Variants in RAP1GAP observed in about 807,000 individuals in gnomAD.
RAP1GAP encodes rap1 GTPase-activating protein 1.
RAP1GAP carries 35 observed loss-of-function variants against 87.2 expected under a neutral mutation model. That is an observed-to-expected ratio of 0.40 (90% CI 0.31 to 0.53). The LOEUF is 0.53. RAP1GAP is among the 20% of genes least tolerant of loss of function. RAP1GAP has a pLI of 0.48. For synonymous variants in RAP1GAP, 375 were observed against 363.9 expected (o/e 1.03, Z -0.35); for missense variants, 734 against 898.9 (o/e 0.82, Z 2.35).
intron 2 of RAP1GAP, among the ~76,000 whole-genome samples, chr1:21,644,229 C>G (rs1043358073): frequency 6.6e-6 from 1 of 152,214 alleles, no homozygotes; most frequent in African/African-American, 2.4e-5. Context: ...GCTGCTCCCT[C>G]TGTCTGGACA....
At chr1:21,641,576 A>C (rs1318957235) in intron 2 of RAP1GAP, among the ~76,000 whole-genome samples, 1 of 152,218 alleles carries the variant, frequency 6.6e-6, no homozygotes, top group African/African-American at 2.4e-5. Context: ...TGTCAGGTTC[A>C]CTGCTGCATC....
intron 2 of RAP1GAP, among the ~76,000 whole-genome samples, chr1:21,630,173 A>G (rs1355041133): frequency 6.6e-6 from 1 of 151,554 alleles, no homozygotes; most frequent in Non-Finnish European, 1.5e-5. Context: ...TGAAGATTTG[A>G]CCTCCCCCAA....
Position 21,669,268 on chromosome 1 carries a change from C to CG in RAP1GAP, c.-164dup. 1 of 1,228,384 alleles carries CG rather than the reference C, an allele frequency of 8.1e-7. No individual in the cohort carries two copies. Among genetic ancestry groups the CG allele is most frequent in the Admixed American group, 2.9e-5 (1 of 34,126 alleles). 76.1% of individuals were successfully genotyped at this position (1,228,384 alleles called of 1,614,324 possible). ...GGCGCACTCACCCAAGGGCCTGGGC[C>CG]GGGGGCGTCCTGGGCTCGGCACTCT... On this transcript the variant is annotated 5_prime_UTR_variant, in exon 1 of 25. Coordinates refer to ENST00000374765, the MANE Select transcript of RAP1GAP (RefSeq NM_002885.4). The surrounding 1 kb of genome is among the most constrained non-coding windows in gnomAD (Gnocchi z 5.6).
At chr1:21,635,055 T>C (rs1237123561) in intron 2 of RAP1GAP, among the ~76,000 whole-genome samples, 2 of 152,214 alleles carry the variant, frequency 1.3e-5, no homozygotes, top group East Asian at 3.8e-4. Context: ...ATCTCCATTC[T>C]GCCTGGAAGA....
intron 21 of RAP1GAP, among the ~76,000 whole-genome samples, chr1:21,599,139 T>A (rs577523714): frequency 1.3e-5 from 2 of 152,234 alleles, no homozygotes; most frequent in South Asian, 4.2e-4. Flanking sequence ...AGGAAGAGTG[T>A]TCCAGACAGA....
At chr1:21,620,850 A>ACT (rs774725163) in intron 3 of RAP1GAP, among the ~76,000 whole-genome samples, 1 of 111,066 alleles carries the variant, frequency 9.0e-6, no homozygotes, top group Non-Finnish European at 2.2e-5. Context: ...GGAAGCACGC[A>ACT]CACTCTCTCT....
At chr1:21,606,018 G>A (rs1341069358) in intron 18 of RAP1GAP, 48 bp downstream of exon 18, 1 of 1,536,540 alleles carries the variant, frequency 6.5e-7, no homozygotes, top group Non-Finnish European at 8.8e-7. Context: ...GGAGAGCTGA[G>A]GGCCCCCCAG....
intron 3 of RAP1GAP, among the ~76,000 whole-genome samples, chr1:21,624,737 A>G (rs1282243320): frequency 2.6e-5 from 4 of 152,194 alleles, no homozygotes; most frequent in Non-Finnish European, 5.9e-5. Flanking sequence ...GGAGGCTTCT[A>G]GCCAGACTGG....
At chr1:21,616,312 C>T (rs956374307) in intron 7 of RAP1GAP, among the ~76,000 whole-genome samples, 13 of 152,232 alleles carry the variant, frequency 8.5e-5, no homozygotes, top group African/African-American at 2.2e-4. Flanking sequence ...ATCTGAGCTT[C>T]GGTTTCCTCT....
Position 21,634,939 on chromosome 1 carries a change from GCAA to G in RAP1GAP, c.-112-8545_-112-8543del, listed in dbSNP as rs1444617922. On this transcript the variant is annotated intron_variant, in intron 2 of 24. Coordinates refer to ENST00000374765, the MANE Select transcript of RAP1GAP (RefSeq NM_002885.4). This position sits in a 1 kb window ranked among gnomAD's most constrained non-coding sequence, Gnocchi z 4.1. ...CGGCCGCAGGGCCTCTTCCTGCCGGGCAACAACATCATCTGCTTCCCTAGCCTG... is the reference window on the plus strand; with the variant it reads ...CGGCCGCAGGGCCTCTTCCTGCCGGGCAACATCATCTGCTTCCCTAGCCTG... 2.0e-5 allele frequency among the ~76,000 whole-genome samples: 3 copies of G among 152,316 alleles called. No homozygotes were observed. Among genetic ancestry groups the G allele is most frequent in the Non-Finnish European group, 2.9e-5 (2 of 68,016 alleles).
chr1:21,638,966 C>T lies in RAP1GAP; in HGVS notation c.-113+10795G>A, dbSNP rs537611009. Among the ~76,000 whole-genome samples, 5 of 152,350 alleles carry T rather than the reference C, an allele frequency of 3.3e-5. No homozygotes were observed. The East Asian group carries it at 7.7e-4, about 24-fold the overall frequency. ...GGCTCCCAAGCCCACACTCTTTCCC[C>T]TACATTAGGCATTAGACAACCTGCT... On this transcript the variant is annotated intron_variant, in intron 2 of 24. Transcript: ENST00000374765.
intron 1 of RAP1GAP, among the ~76,000 whole-genome samples, chr1:21,662,224 C>A (rs571505531): frequency 6.6e-6 from 1 of 152,284 alleles, no homozygotes; most frequent in African/African-American, 2.4e-5. Context: ...GTTTCCTCAC[C>A]CACAAAATGT....
In RAP1GAP at chr1:21,633,389, C is replaced by T. The variant is rs72876066; in HGVS notation, c.-112-6992G>A. Among the ~76,000 whole-genome samples the T allele has an allele frequency of 9.9e-3, 1,500 of 152,282 alleles. 23 individuals are homozygous for T. Among genetic ancestry groups the T allele is most frequent in the African/African-American group, 0.034 (1,393 of 41,548 alleles). On this transcript the variant is annotated intron_variant, in intron 2 of 24. Coordinates refer to ENST00000374765, the MANE Select transcript of RAP1GAP (RefSeq NM_002885.4). ...ACCAGCCACACTGTTCACAGGCACCCCCCCTCTGCTGGGGGTGCCTTCTCC... is the reference window on the plus strand; with the variant it reads ...ACCAGCCACACTGTTCACAGGCACCTCCCCTCTGCTGGGGGTGCCTTCTCC...
Position 21,619,045 on chromosome 1 carries a change from A to G in RAP1GAP, c.46T>C (p.Ser16Pro), listed in dbSNP as rs1283546272. ...QGSRMDEQRC[S>P]FPPPLKTEED... The stretch of plus-strand genomic sequence containing the variant: ...CCTACTTTGAGGGGCGGCGGGAAGG[A>G]GCAGCGTTGTTCATCCATCCTGCTT... Residue 16 changes from serine (S) to proline (P), a missense_variant, in exon 5 of 25, where the codon TCC becomes CCC. By Grantham distance (74) the Ser-to-Pro change is moderately conservative. Transcript: ENST00000374765. The G allele has an allele frequency of 6.2e-7, 1 of 1,602,582 alleles. No individual in the cohort carries two copies. Among genetic ancestry groups the G allele is most frequent in the Non-Finnish European group, 8.5e-7 (1 of 1,173,946 alleles).
intron 2 of RAP1GAP, 132 bp from the exon 3 acceptor site, chr1:21,626,529 C>A: frequency 1.2e-5 from 9 of 731,122 alleles, no homozygotes; most frequent in Non-Finnish European, 2.1e-5. Context: ...ATGGGTTCCC[C>A]AAGAGGAGGG....
chr1:21,643,106 CT>C (rs1184621497), intron 2 of RAP1GAP, among the ~76,000 whole-genome samples: 1 of 76,596 alleles, frequency 1.3e-5, no homozygotes, highest in Non-Finnish European at 2.9e-5. Flanking sequence ...AAGAAGTGGC[CT>C]CATCTATTTT....
At chr1:21,640,674 C>A (rs916945769) in intron 2 of RAP1GAP, among the ~76,000 whole-genome samples, 1 of 152,022 alleles carries the variant, frequency 6.6e-6, no homozygotes, top group Non-Finnish European at 1.5e-5. Flanking sequence ...AGTTCCCTTA[C>A]CCCCGACTAA....
intron 1 of RAP1GAP, chr1:21,651,803 C>T: frequency 7.4e-7 from 1 of 1,343,280 alleles, no homozygotes; most frequent in Non-Finnish European, 9.6e-7. Flanking sequence ...GAAGGTGAAG[C>T]TGCGCTTCCG....
rs931476902 is a variant in RAP1GAP at position 21,602,823 on chromosome 1, G to C, written c.1519C>G (p.Gln507Glu). Residue 507 changes from glutamine to glutamate, a missense_variant, in exon 19 of 25, where the codon CAG becomes GAG. Physicochemically the swap from Gln to Glu is conservative, Grantham distance 29 (BLOSUM62 2). This residue lies in a region of RAP1GAP where 249 missense variants were observed against 252.7 expected (regional missense o/e 0.99). Transcript: ENST00000374765. Reference sequence around the variant, plus strand: ...ACCCACCTCTTCTCCTGCACCTCCTGTATGTTCTCGATGCCAATGGCGCTG... The same window carrying C: ...ACCCACCTCTTCTCCTGCACCTCCTCTATGTTCTCGATGCCAATGGCGCTG... Reference protein sequence around the residue: ...RSSAIGIENIQEVQEKRESPP... With the variant: ...RSSAIGIENIEEVQEKRESPP... 1.7e-5 allele frequency: 28 copies of C among 1,609,498 alleles called. No homozygotes were observed. In the East Asian group the frequency reaches 3.1e-4, roughly 18 times the overall value.
Sources: gnomAD v4.1 joint callset for allele counts (sites outside exome capture counted in the v4.1 genomes callset) on GRCh38, gnomAD v4.1.1 for gene constraint, gnomAD v4.1.1 regional missense constraint, Gnocchi (gnomAD v3.1) non-coding constraint, MANE v1.5 for transcripts, NCBI Gene and HGNC (gene_info 2026-07-23, HGNC 2026-07-21) for gene names.